The following WDPCP variants were observed in gnomAD, a reference collection of about 807,000 sequenced individuals.
WDPCP encodes WD repeat containing planar cell polarity effector.
A neutral mutation model predicts 93.1 loss-of-function variants in WDPCP; 71 were observed. That is an observed-to-expected ratio of 0.76 (90% confidence interval 0.63 to 0.93). WDPCP has a LOEUF of 0.93. Ranked by LOEUF, WDPCP falls within the 40% of genes least tolerant of loss-of-function variation. The pLI is 0.00. For missense variants in WDPCP, 844 were observed against 887.4 expected (o/e 0.95, Z 0.62); for synonymous variants, 315 against 315.0 (o/e 1.00, Z 0.00).
intron 12 of WDPCP, among the ~76,000 whole-genome samples, chr2:63,352,077 G>C (rs1689671214): frequency 6.6e-6 from 1 of 152,056 alleles, no homozygotes; most frequent in South Asian, 2.1e-4. Context: ...TCCTTCTTTT[G>C]AGAAGTGTCT....
chr2:63,783,248 C>CA (rs555079464), intron 2 of WDPCP, among the ~76,000 whole-genome samples: 1,599 of 140,184 alleles, frequency 0.011, 23 homozygotes, highest in East Asian at 0.023. Flanking sequence ...TCTGTCTCTA[C>CA]AAAAAAAAAA....
chr2:63,615,354 G>C (rs1300761605), intron 3 of WDPCP, among the ~76,000 whole-genome samples: 1 of 152,178 alleles, frequency 6.6e-6, no homozygotes, highest in Non-Finnish European at 1.5e-5. Flanking sequence ...CTGGGGCCAG[G>C]CATGTCCACC....
At chr2:63,831,005 A>G (rs926806590), upstream of WDPCP, among the ~76,000 whole-genome samples, 1 of 152,082 alleles carries the variant, frequency 6.6e-6, no homozygotes, top group Non-Finnish European at 1.5e-5. Context: ...AAATGACCAA[A>G]ATGGATCTCT....
At chr2:63,631,062 C>T (rs567896753) in intron 3 of WDPCP, among the ~76,000 whole-genome samples, 1 of 152,222 alleles carries the variant, frequency 6.6e-6, no homozygotes, top group South Asian at 2.1e-4. Context: ...GGATGGAACA[C>T]CTGAGGTAAG....
chr2:63,509,658 C>T (rs760670650), intron 1 of WDPCP, among the ~76,000 whole-genome samples: 1 of 151,656 alleles, frequency 6.6e-6, no homozygotes, highest in Non-Finnish European at 1.5e-5. Context: ...TTTTTGAAAG[C>T]AGTAACAAAA....
At position 63,575,467 on chromosome 2, in the gene WDPCP, G is replaced by GTGTATACACTGTATATATAGTATATA. The variant is rs1558832897; in HGVS notation, c.75+12729_75+12730insTATATACTATATATACAGTGTATACA. On this transcript the variant is annotated intron_variant, in intron 1 of 17. Transcript: ENST00000272321. Reference sequence around the variant, plus strand: ...TATACACTGTATATACAGTATATATGCAGTATATACAGTGTATATATAGTA... The same window carrying GTGTATACACTGTATATATAGTATATA: ...TATACACTGTATATACAGTATATATGTGTATACACTGTATATATAGTATATACAGTATATACAGTGTATATATAGTA... Among the ~76,000 whole-genome samples, 5 of 6,842 alleles carry GTGTATACACTGTATATATAGTATATA rather than the reference G, an allele frequency of 7.3e-4. 1 individual carries two copies. The highest frequency in any genetic ancestry group is 3.1e-3 in the African/African-American group (5 of 1,632). The allele number at this position is 6,842 out of a possible 152,430, so 4.5% of individuals were successfully genotyped here.
At chr2:63,275,440 A>G (rs1399585450) in intron 13 of WDPCP, among the ~76,000 whole-genome samples, 1 of 152,202 alleles carries the variant, frequency 6.6e-6, no homozygotes, top group African/African-American at 2.4e-5. Context: ...ACTAGCTAGA[A>G]CAATCAAGCA....
chr2:63,552,400 T>C (rs1459167219), intron 1 of WDPCP, among the ~76,000 whole-genome samples: 2 of 152,100 alleles, frequency 1.3e-5, no homozygotes, highest in African/African-American at 4.8e-5. Context: ...AGATTTATTC[T>C]CATATTAAGT....
chr2:63,421,405 A>C (rs1695850161), intron 9 of WDPCP, among the ~76,000 whole-genome samples: 1 of 152,208 alleles, frequency 6.6e-6, no homozygotes, highest in Admixed American at 6.5e-5. Context: ...CATTAAAAAA[A>C]CAGGCAAATA....
intron 2 of WDPCP, among the ~76,000 whole-genome samples, chr2:63,812,054 G>A (rs1285887413): frequency 2.6e-5 from 4 of 151,770 alleles, no homozygotes; most frequent in Non-Finnish European, 5.9e-5. Context: ...TTGTAGAGAC[G>A]GGGTTTTGTC....
At chr2:63,482,074 A>C (rs1700297629) in intron 6 of WDPCP, among the ~76,000 whole-genome samples, 1 of 151,974 alleles carries the variant, frequency 6.6e-6, no homozygotes, top group South Asian at 2.1e-4. Flanking sequence ...AACATCAACT[A>C]AGCTTTGGTA....
intron 3 of WDPCP, chr2:63,605,253 T>A (rs1187346366): frequency 6.8e-7 from 1 of 1,468,838 alleles, no homozygotes; most frequent in East Asian, 2.3e-5. Context: ...CAAGTAATAC[T>A]GCTGCCTTCA....
chr2:63,796,444 C>A (rs1244672993), intron 2 of WDPCP, among the ~76,000 whole-genome samples: 1 of 152,204 alleles, frequency 6.6e-6, no homozygotes, highest in Non-Finnish European at 1.5e-5. Flanking sequence ...AACTTCATAT[C>A]ATTGAAAGGG....
intron 3 of WDPCP, among the ~76,000 whole-genome samples, chr2:63,630,321 A>G (rs1239338776): frequency 6.6e-6 from 1 of 152,228 alleles, no homozygotes; most frequent in African/African-American, 2.4e-5. Context: ...GTCTAAAGGC[A>G]TCAGTTAAAA....
chr2:63,627,022 C>T (rs1709817861), intron 3 of WDPCP, among the ~76,000 whole-genome samples: 1 of 150,204 alleles, frequency 6.7e-6, no homozygotes, highest in Non-Finnish European at 1.5e-5. Flanking sequence ...ATAACAACAA[C>T]AACAACAAAA....
chr2:63,819,190 A>C (rs752097014), intron 1 of WDPCP, among the ~76,000 whole-genome samples: 1 of 152,190 alleles, frequency 6.6e-6, no homozygotes, highest in Non-Finnish European at 1.5e-5. Context: ...ATTTATTAGT[A>C]GTGTGACCTT....
At position 63,573,257 on chromosome 2, in the gene WDPCP, A is replaced by AG. The variant is rs1480215204; in HGVS notation, c.75+14939_75+14940insC. Among the ~76,000 whole-genome samples the AG allele has an allele frequency of 1.0e-2, 1,498 of 149,804 alleles. 31 individuals are homozygous for AG. Among genetic ancestry groups the AG allele is most frequent in the African/African-American group, 0.03 (1,226 of 40,776 alleles). On this transcript the variant is annotated intron_variant, in intron 1 of 17. Coordinates refer to ENST00000272321, the MANE Select transcript of WDPCP (RefSeq NM_015910.7). ...GACCTGCCTCAAAAAAAAAAAAAAA[A>AG]AAAGGATTCGTTGCTGGATTCCTTT...
intron 14 of WDPCP, among the ~76,000 whole-genome samples, chr2:63,221,809 T>G (rs559047323): frequency 1.4e-4 from 21 of 152,312 alleles, no homozygotes; most frequent in Non-Finnish European, 2.6e-4. Context: ...CTCAGTTAAT[T>G]AAAATTGTGT....
chr2:63,703,872 T>TG (rs1416859714), intron 2 of WDPCP, among the ~76,000 whole-genome samples: 12 of 152,190 alleles, frequency 7.9e-5, no homozygotes, highest in African/African-American at 2.9e-4. Flanking sequence ...TGGCATTGAA[T>TG]CTATAAATTA....
Sources: gnomAD v4.1 joint callset for allele counts (sites outside exome capture counted in the v4.1 genomes callset) on GRCh38, gnomAD v4.1.1 for gene constraint, MANE v1.5 for transcripts, NCBI Gene and HGNC (gene_info 2026-07-23, HGNC 2026-07-21) for gene names.